Variants in RBFOX1 observed in about 807,000 individuals in gnomAD.
The protein encoded by RBFOX1 is RNA binding protein fox-1 homolog 1.
A neutral mutation model predicts 57.7 loss-of-function variants in RBFOX1; 8 were observed. That is an observed-to-expected ratio of 0.14 (90% confidence interval 0.08 to 0.25). RBFOX1 has a LOEUF of 0.25. Ranked by LOEUF, RBFOX1 falls within the 10% of genes least tolerant of loss-of-function variation. RBFOX1 has a pLI of 1.00. For synonymous variants in RBFOX1, 326 were observed against 222.4 expected (o/e 1.47, Z -4.15); for missense variants, 611 against 548.5 (o/e 1.11, Z -1.14).
chr16:6,611,617 C>T (rs893132214), intron 2 of RBFOX1, among the ~76,000 whole-genome samples: 1 of 152,236 alleles, frequency 6.6e-6, no homozygotes, highest in Admixed American at 6.5e-5. Context: ...TTCAAGGAAA[C>T]TGCCTGCAGA....
chr16:7,556,518 T>G (rs2088540890), intron 5 of RBFOX1, among the ~76,000 whole-genome samples: 1 of 152,258 alleles, frequency 6.6e-6, no homozygotes, highest in Non-Finnish European at 1.5e-5. Context: ...CAACTCAGTA[T>G]GAAACTTTTA....
rs1005911355 is a variant in RBFOX1 at position 6,789,815 on chromosome 16, C to G, written c.-16+135165C>G. On this transcript the variant is annotated intron_variant, in intron 3 of 15. Coordinates refer to ENST00000550418, the MANE Select transcript of RBFOX1 (RefSeq NM_018723.4). ...TGATCCTCTTGTAATTTCTCATTTT[C>G]TGTCTTTGTGCTTTCTCCCACCTTT... Among the ~76,000 whole-genome samples, 3 of 152,086 alleles carry G rather than the reference C, an allele frequency of 2.0e-5. No homozygotes were observed. The South Asian group carries it at 6.2e-4, about 32-fold the overall frequency.
intron 1 of RBFOX1, among the ~76,000 whole-genome samples, chr16:5,272,157 A>G (rs1005332075): frequency 1.6e-4 from 25 of 152,164 alleles, no homozygotes; most frequent in African/African-American, 4.6e-4. Flanking sequence ...AATCTGTAGC[A>G]CAGCAGCGTG....
chr16:6,491,818 C>T (rs1003209025), intron 2 of RBFOX1, among the ~76,000 whole-genome samples: 9 of 152,142 alleles, frequency 5.9e-5, no homozygotes, highest in African/African-American at 1.9e-4. Flanking sequence ...TCCCTTTCCC[C>T]GTTTTTTTGG....
intron 3 of RBFOX1, among the ~76,000 whole-genome samples, chr16:6,658,985 A>G (rs933145391): frequency 6.6e-6 from 1 of 150,582 alleles, no homozygotes; most frequent in African/African-American, 2.4e-5. Context: ...TGTGGAGCTA[A>G]TGCAGATTTA....
chr16:6,704,653 G>C (rs2062417735), intron 3 of RBFOX1: 1 of 152,526 alleles, frequency 6.6e-6, no homozygotes, highest in African/African-American at 2.4e-5. Context: ...CAGGGAGAGA[G>C]AGAGAGCCTG....
intron 4 of RBFOX1, among the ~76,000 whole-genome samples, chr16:7,345,953 A>G (rs2096992828): frequency 6.6e-6 from 1 of 152,006 alleles, no homozygotes; most frequent in South Asian, 2.1e-4. Context: ...CATTAGGTAT[A>G]TCTCCTAATG....
intron 1 of RBFOX1, among the ~76,000 whole-genome samples, chr16:5,336,416 A>T (rs1815047049): frequency 6.6e-6 from 1 of 152,188 alleles, no homozygotes; most frequent in African/African-American, 2.4e-5. Context: ...AACAGGGATG[A>T]TGCTAGAGTC....
At chr16:6,251,589 G>C (rs189009252) in intron 1 of RBFOX1, among the ~76,000 whole-genome samples, 1 of 151,982 alleles carries the variant, frequency 6.6e-6, no homozygotes, top group African/African-American at 2.4e-5. Flanking sequence ...TTGGAGGTAG[G>C]GGGAGAGAGA....
intron 2 of RBFOX1, among the ~76,000 whole-genome samples, chr16:6,430,776 T>C (rs2094056892): frequency 1.3e-5 from 2 of 152,026 alleles, no homozygotes; most frequent in South Asian, 4.2e-4. Flanking sequence ...GAAAGGCCAC[T>C]CTGGCTGCAG....
At chr16:6,832,334 G>A (rs968757738) in intron 3 of RBFOX1, among the ~76,000 whole-genome samples, 2 of 152,144 alleles carry the variant, frequency 1.3e-5, no homozygotes, top group African/African-American at 4.8e-5. Context: ...TCATTATGTG[G>A]TTACAGAGTG....
intron 3 of RBFOX1, among the ~76,000 whole-genome samples, chr16:7,033,177 G>A (rs1208492776): frequency 1.3e-5 from 2 of 152,168 alleles, no homozygotes; most frequent in East Asian, 1.9e-4. Flanking sequence ...TAAAGGTGTT[G>A]ATTTTAGGGA....
chr16:6,401,128 A>C (rs1038298619), intron 2 of RBFOX1, among the ~76,000 whole-genome samples: 1 of 152,190 alleles, frequency 6.6e-6, no homozygotes, highest in African/African-American at 2.4e-5. Flanking sequence ...GGGCAAGGAA[A>C]GAACAATATG....
intron 2 of RBFOX1, among the ~76,000 whole-genome samples, chr16:6,396,592 A>G (rs2092845792): frequency 6.6e-6 from 1 of 152,216 alleles, no homozygotes; most frequent in Admixed American, 6.5e-5. Flanking sequence ...GTTGCTAAAC[A>G]GGTAGAGGAT....
intron 3 of RBFOX1, among the ~76,000 whole-genome samples, chr16:5,799,087 C>T (rs568378737): frequency 2.0e-5 from 3 of 152,270 alleles, no homozygotes; most frequent in African/African-American, 2.4e-5. Flanking sequence ...CACAGTTGCA[C>T]ATGGCTGGGG....
At chr16:7,092,918 G>A (rs559110599) in intron 4 of RBFOX1, among the ~76,000 whole-genome samples, 1 of 152,122 alleles carries the variant, frequency 6.6e-6, no homozygotes, top group Non-Finnish European at 1.5e-5. Context: ...AGTGTCATCT[G>A]TTTTTTTCCA....
At chr16:7,706,823 C>G (rs2082606575) in intron 14 of RBFOX1, among the ~76,000 whole-genome samples, 1 of 152,156 alleles carries the variant, frequency 6.6e-6, no homozygotes, top group South Asian at 2.1e-4. Context: ...TTATAGTTTT[C>G]CTTTTATGCC....
intron 3 of RBFOX1, among the ~76,000 whole-genome samples, chr16:6,942,451 G>A (rs887977794): frequency 1.3e-5 from 2 of 152,082 alleles, no homozygotes; most frequent in Non-Finnish European, 2.9e-5. Context: ...GAGCCATTGT[G>A]CCCAGCCAGG....
chr16:5,548,199 A>G (rs1460270733), intron 2 of RBFOX1, among the ~76,000 whole-genome samples: 3 of 136,534 alleles, frequency 2.2e-5, no homozygotes, highest in African/African-American at 8.0e-5. Context: ...ATATATATAT[A>G]TATATAGACA....
Sources: gnomAD v4.1 joint callset for allele counts (sites outside exome capture counted in the v4.1 genomes callset) on GRCh38, gnomAD v4.1.1 for gene constraint, MANE v1.5 for transcripts, NCBI Gene and HGNC (gene_info 2026-07-23, HGNC 2026-07-21) for gene names.